The following PIKFYVE variants were observed in gnomAD, a reference collection of about 807,000 sequenced individuals.
The protein encoded by PIKFYVE is phosphoinositide kinase, FYVE-type zinc finger containing.
Under a neutral mutation model 257.9 loss-of-function variants are expected in PIKFYVE, and 122 were observed. The observed-to-expected ratio is 0.47, with a 90% CI of 0.41 to 0.55. The LOEUF (loss-of-function observed/expected upper bound fraction) is 0.55, where lower values mean the gene tolerates loss of function less well. Ranked by LOEUF, PIKFYVE falls within the 20% of genes least tolerant of loss-of-function variation. PIKFYVE has a pLI of 0.00. For synonymous variants in PIKFYVE, 892 were observed against 868.9 expected, an observed-to-expected ratio of 1.03 and a Z score of -0.47; for missense variants, 2,160 against 2,536.6, an observed-to-expected ratio of 0.85 and a Z score of 3.19.
At position 208,354,177 on chromosome 2, in the gene PIKFYVE, C is replaced by T. The variant is rs771225186; in HGVS notation, c.6106+18C>T. 17 of 1,609,762 alleles carry T rather than the reference C, an allele frequency of 1.1e-5. No individual in the cohort carries two copies. The African/African-American group carries it at 2.3e-4, about 22-fold the overall frequency. On this transcript the variant is annotated intron_variant, in intron 40 of 41. Transcript: ENST00000264380. ...AATTATAGGTAAGTCAATGAGTACC[C>T]TGCTTATATTTCATGATTGAAGTCA...
intron 5 of PIKFYVE, among the ~76,000 whole-genome samples, chr2:208,282,388 G>C (rs573354082): frequency 2.0e-5 from 3 of 152,302 alleles, no homozygotes; most frequent in African/African-American, 7.2e-5. Flanking sequence ...CAGAGAAACA[G>C]AACCAGTAGG....
rs1452892338 is a variant in PIKFYVE at position 208,356,134 on chromosome 2, C to A, written c.*829C>A. On this transcript the variant is annotated 3_prime_UTR_variant, in exon 42 of 42. Transcript: ENST00000264380. ...AGTAAATGAGTCTGTAGTTACTAAA[C>A]CCTAATGGAATAATTATTAATGAAA... The A allele has an allele frequency of 3.3e-5, 5 of 151,830 alleles. No individual in the cohort carries two copies. The highest frequency in any genetic ancestry group is 3.3e-4 in the Admixed American group (5 of 15,226). The allele number at this position is 151,830 out of a possible 1,614,324, so 9.4% of individuals were successfully genotyped here.
intron 37 of PIKFYVE, 123 bp from the exon 38 acceptor site, chr2:208,351,229 G>A (rs891443121): frequency 1.1e-6 from 1 of 933,494 alleles, no homozygotes; most frequent in African/African-American, 1.6e-5. Context: ...TTTTCACTGT[G>A]ACATTAGAAA....
intron 9 of PIKFYVE, 33 bp downstream of exon 9, chr2:208,301,127 T>A: frequency 6.2e-7 from 1 of 1,608,694 alleles, no homozygotes; most frequent in Non-Finnish European, 8.5e-7. Flanking sequence ...CAATATTATT[T>A]GTTTATTTTG....
rs1422981141 is a variant in PIKFYVE, at chr2:208,271,483, A to AT, written c.-9-23dup. On this transcript the variant is annotated intron_variant, in intron 1 of 41. Transcript: ENST00000264380. ...CTTTTGAGCTTCCTGAGGAATTTAG[A>AT]TTTTTGCTTGTTTCTTTTGTTTTTC... The AT allele has an allele frequency of 3.7e-6, 6 of 1,611,312 alleles. No individual in the cohort carries two copies. In the South Asian group the frequency reaches 5.5e-5, roughly 15 times the overall value.
Position 208,340,211 on chromosome 2 carries a change from A to C in PIKFYVE, c.4931+80A>C. Reference sequence around the variant, plus strand: ...GCTCGCTTCATATTTAAATATATTTATCTGATGCATGATTTTTCAATCCTA... The same window carrying C: ...GCTCGCTTCATATTTAAATATATTTCTCTGATGCATGATTTTTCAATCCTA... On this transcript the variant is annotated intron_variant, in intron 31 of 41. Coordinates refer to ENST00000264380, the MANE Select transcript of PIKFYVE (RefSeq NM_015040.4). 4 of 1,514,884 alleles carry C rather than the reference A, an allele frequency of 2.6e-6. No individual in the cohort carries two copies. In the Admixed American group the frequency reaches 7.0e-5, roughly 27 times the overall value. 93.8% of individuals were successfully genotyped at this position (1,514,884 alleles called of 1,614,324 possible).
chr2:208,285,136 C>T (rs866143345), intron 5 of PIKFYVE, among the ~76,000 whole-genome samples: 41 of 152,244 alleles, frequency 2.7e-4, no homozygotes, highest in East Asian at 9.6e-4. Context: ...GTTCTTGTTG[C>T]CCAGGCTGGA....
At chr2:208,355,099 C>A in intron 41 of PIKFYVE, 91 bp from the exon 42 acceptor site, 1 of 958,988 alleles carries the variant, frequency 1.0e-6, no homozygotes, top group Non-Finnish European at 1.7e-6. Context: ...ATCTTTATGG[C>A]AGTTTATATG....
chr2:208,285,882 G>A lies in PIKFYVE; in HGVS notation c.770G>A (p.Ser257Asn), dbSNP rs1488750996. Residue 257 changes from serine to asparagine, a missense_variant, in exon 6 of 42, where the codon AGT becomes AAT. Transcript: ENST00000264380. ...AGTGAACCCCGAACACCTGTTGGGA[G>A]TAGGAAAGCCAGCCGTAACATATTT... ...DPSEPRTPVGSRKASRNIFLE... is the reference protein window; with the variant it reads ...DPSEPRTPVGNRKASRNIFLE... 4 of 1,614,050 alleles carry A rather than the reference G, an allele frequency of 2.5e-6. No homozygotes were observed. The highest frequency in any genetic ancestry group is 2.5e-6 in the Non-Finnish European group (3 of 1,180,034).
Position 208,347,941 on chromosome 2 carries a change from C to A in PIKFYVE, c.5292C>A (p.Thr1764=). The A allele has an allele frequency of 6.2e-7, 1 of 1,613,892 alleles. No homozygotes were observed. The highest frequency in any genetic ancestry group is 1.3e-5 in the African/African-American group (1 of 75,000). ...SPDLSSQKRE[T]LRGADSAYYQ... is the part of the protein sequence containing the mutation. ...ATCTCTCTTCCCAGAAGAGAGAGAC[C>A]TTACGTGGAGCAGATAGTGCTTACT... is the stretch of plus-strand genomic sequence containing the variant. The change falls in exon 35 of 42, where the codon ACC becomes ACA. Residue 1764 remains threonine (T), a synonymous_variant. Coordinates refer to ENST00000264380, the MANE Select transcript of PIKFYVE (RefSeq NM_015040.4).
intron 31 of PIKFYVE, among the ~76,000 whole-genome samples, chr2:208,342,250 T>C (rs1698779468): frequency 6.6e-6 from 1 of 152,196 alleles, no homozygotes; most frequent in Non-Finnish European, 1.5e-5. Context: ...ACTTTTTCTC[T>C]CTAGCTTGTA....
intron 6 of PIKFYVE, 112 bp from the exon 7 acceptor site, chr2:208,288,617 A>G: frequency 6.8e-7 from 1 of 1,475,752 alleles, no homozygotes; most frequent in Non-Finnish European, 9.1e-7. Flanking sequence ...ATGACACATA[A>G]TCTCATTATT....
At position 208,345,094 on chromosome 2, in the gene PIKFYVE, C is replaced by T. The variant is rs749081442; in HGVS notation, c.5028-17C>T. On this transcript the variant is annotated splice_polypyrimidine_tract_variant and intron_variant, in intron 32 of 41. Coordinates refer to ENST00000264380, the MANE Select transcript of PIKFYVE (RefSeq NM_015040.4). ...GAAGTTAATGTTTAACGTTTTTCAA[C>T]CTATTTCTGCCCTAAGTTGTAAAGA... 5.2e-6 allele frequency: 8 copies of T among 1,547,690 alleles called. No homozygotes were observed. The highest frequency in any genetic ancestry group is 7.1e-6 in the Non-Finnish European group (8 of 1,119,734).
In PIKFYVE at chr2:208,325,731, C is replaced by A. The variant is rs1334956168; in HGVS notation, c.2920C>A (p.Pro974Thr). The A allele has an allele frequency of 1.9e-6, 3 of 1,613,152 alleles. No homozygotes were observed. The African/African-American group carries it at 4.0e-5, about 22-fold the overall frequency. ...GGGTCTCCCTTGTGCTTTCTTTGCA[C>A]CTGTACCGGAATCATTGTTGCCACT... Reference protein sequence around the residue: ...PAGLPCAFFAPVPESLLPLPV... With the variant: ...PAGLPCAFFATVPESLLPLPV... Residue 974 changes from proline (P) to threonine (T), a missense_variant, in exon 20 of 42, where the codon CCT becomes ACT. By Grantham distance (38) the Pro-to-Thr change is conservative. Around this residue, in one of 12 missense-constraint regions of PIKFYVE, gnomAD observed 522 missense variants for 514.6 expected, o/e 1.01. Transcript: ENST00000264380.
chr2:208,350,028 A>C lies in PIKFYVE; in HGVS notation c.5379A>C (p.Glu1793Asp). 6.2e-7 allele frequency: 1 copy of C among 1,611,952 alleles called. No individual in the cohort carries two copies. Among genetic ancestry groups the C allele is most frequent in the Non-Finnish European group, 8.5e-7 (1 of 1,178,594 alleles). ...TAATGATATTAAACCTTTTAGATGA[A>C]GTAGATGGAGGAGATACACAAAAGA... ...TENQGVEPQDEVDGGDTQKKQ... is the reference protein window; with the variant it reads ...TENQGVEPQDDVDGGDTQKKQ... The change falls in exon 36 of 42, where the codon GAA (glutamate) becomes GAC (aspartate). Residue 1793 changes from glutamate to aspartate, a missense_variant. By Grantham distance (45) the Glu-to-Asp change is conservative (BLOSUM62 2). Transcript: ENST00000264380.
intron 18 of PIKFYVE, 134 bp downstream of exon 18, chr2:208,324,416 G>A (rs1456259050): frequency 4.5e-6 from 4 of 896,736 alleles, no homozygotes; most frequent in Non-Finnish European, 5.1e-6. Flanking sequence ...AGAAGATATG[G>A]CACCTATTTC....
In PIKFYVE at chr2:208,346,043, A is replaced by G. The variant is rs775929370; in HGVS notation, c.5112-7A>G. On this transcript the variant is annotated splice_polypyrimidine_tract_variant and splice_region_variant and intron_variant, in intron 33 of 41. Coordinates refer to ENST00000264380, the MANE Select transcript of PIKFYVE (RefSeq NM_015040.4). The stretch of plus-strand genomic sequence containing the variant: ...TAAATTTTTCTTTTTTTTTCTTTTC[A>G]TTTTAGTACTTCAGATAGCAGACCA... The G allele has an allele frequency of 1.2e-5, 20 of 1,605,080 alleles. No individual in the cohort carries two copies. The Middle Eastern group carries it at 6.6e-4, about 53-fold the overall frequency.
chr2:208,275,316 C>CG (rs1312934091), intron 3 of PIKFYVE, among the ~76,000 whole-genome samples: 1 of 152,220 alleles, frequency 6.6e-6, no homozygotes, highest in African/African-American at 2.4e-5. Context: ...AGAAGGGTCT[C>CG]ACTCATCCTT....
intron 39 of PIKFYVE, among the ~76,000 whole-genome samples, chr2:208,353,466 T>G (rs977986183): frequency 6.6e-6 from 1 of 152,184 alleles, no homozygotes; most frequent in African/African-American, 2.4e-5. Context: ...TCCTGTGTTA[T>G]GCTCTTCTAC....
Sources: gnomAD v4.1 joint callset for allele counts (sites outside exome capture counted in the v4.1 genomes callset) on GRCh38, gnomAD v4.1.1 for gene constraint, gnomAD v4.1.1 regional missense constraint, MANE v1.5 for transcripts, NCBI Gene and HGNC (gene_info 2026-07-23, HGNC 2026-07-21) for gene names.